Variants in DIAPH2 observed in about 807,000 individuals in gnomAD.
DIAPH2 encodes protein diaphanous homolog 2.
In DIAPH2, 35 loss-of-function variants were observed where a neutral mutation model predicts 92.7. The ratio of observed to expected loss-of-function variants is 0.38; its 90% CI spans 0.29 to 0.50. DIAPH2 has a LOEUF of 0.50. DIAPH2 is among the 20% of genes least tolerant of loss of function. DIAPH2 has a pLI of 0.94. For synonymous variants in DIAPH2, 301 were observed against 280.4 expected, an observed-to-expected ratio of 1.07 and a Z score of -0.73; for missense variants, 701 against 819.5, an observed-to-expected ratio of 0.86 and a Z score of 1.77.
rs1423833821 is a variant in DIAPH2, at chrX:97,095,411, C to T, written c.2248-4283C>T. On this transcript the variant is annotated intron_variant, in intron 19 of 26. Coordinates refer to ENST00000324765, the MANE Select transcript of DIAPH2 (RefSeq NM_006729.5). ...GATTACAGGCGTGAGCCACCGCGCCCGGCCAAGGAGAACGTTTCTTATCTA... is the reference window on the plus strand; with the variant it reads ...GATTACAGGCGTGAGCCACCGCGCCTGGCCAAGGAGAACGTTTCTTATCTA... 2.8e-5 allele frequency among the ~76,000 whole-genome samples: 3 copies of T among 107,388 alleles called. No individual in the cohort carries two copies. In the Admixed American group the frequency reaches 3.0e-4, roughly 11 times the overall value. The allele number at this position is 107,388 out of a possible 115,157, so 93.3% of individuals were successfully genotyped here.
At chrX:96,749,391 C>G (rs1381524808) in intron 3 of DIAPH2, among the ~76,000 whole-genome samples, 1 of 110,075 alleles carries the variant, frequency 9.1e-6, no homozygotes, top group Non-Finnish European at 1.9e-5. Context: ...TTTTTTATGT[C>G]TTGCTTAAAA....
At chrX:96,754,530 A>G (rs2064212548) in intron 3 of DIAPH2, among the ~76,000 whole-genome samples, 1 of 111,547 alleles carries the variant, frequency 9.0e-6, no homozygotes, top group Non-Finnish European at 1.9e-5. Context: ...TTTGTTGTAC[A>G]TATTTCATGT....
intron 19 of DIAPH2, among the ~76,000 whole-genome samples, chrX:97,094,522 A>G (rs745599469): frequency 8.9e-6 from 1 of 112,099 alleles, no homozygotes; most frequent in Admixed American, 9.5e-5. Context: ...AGGGATTGAA[A>G]TGCTCCACCC....
chrX:96,893,117 C>A (rs1445231593), intron 5 of DIAPH2, among the ~76,000 whole-genome samples: 1 of 111,967 alleles, frequency 8.9e-6, no homozygotes, highest in Non-Finnish European at 1.9e-5. Flanking sequence ...AGTTTTAATA[C>A]TTCTCTCATT....
intron 26 of DIAPH2, among the ~76,000 whole-genome samples, chrX:97,484,191 T>C (rs2070671572): frequency 8.9e-6 from 1 of 111,772 alleles, no homozygotes; most frequent in Non-Finnish European, 1.9e-5. Context: ...GCCCAGATCA[T>C]TTTTCTACAT....
chrX:97,493,008 A>G (rs1391595967), intron 26 of DIAPH2, among the ~76,000 whole-genome samples: 1 of 111,886 alleles, frequency 8.9e-6, no homozygotes, highest in East Asian at 2.8e-4. Flanking sequence ...TTCTCCTTTG[A>G]GATTCCCATA....
At chrX:96,985,369 A>G (rs2066024057) in intron 17 of DIAPH2, among the ~76,000 whole-genome samples, 1 of 111,042 alleles carries the variant, frequency 9.0e-6, no homozygotes, top group Admixed American at 9.6e-5. Flanking sequence ...TTCTTTTTGT[A>G]GAATCAAGTC....
chrX:97,579,427 G>A (rs1178386005), intron 26 of DIAPH2, among the ~76,000 whole-genome samples: 2 of 111,017 alleles, frequency 1.8e-5, no homozygotes, highest in Non-Finnish European at 3.8e-5. Context: ...ATTAAATAGG[G>A]AATCCTTTCC....
At chrX:97,564,035 G>A (rs1286916823) in intron 26 of DIAPH2, among the ~76,000 whole-genome samples, 1 of 112,025 alleles carries the variant, frequency 8.9e-6, no homozygotes, top group Non-Finnish European at 1.9e-5. Flanking sequence ...TCAGGCTAGA[G>A]AAGGCCCTTT....
chrX:96,992,568 A>T (rs1467266450), intron 17 of DIAPH2, among the ~76,000 whole-genome samples: 1 of 112,098 alleles, frequency 8.9e-6, no homozygotes, highest in Non-Finnish European at 1.9e-5. Flanking sequence ...CTTTTAAGCC[A>T]CAGGCATGAT....
Position 97,601,086 on chromosome X carries a change from G to GT in DIAPH2, c.*1775dup, listed in dbSNP as rs1238587099. 1.8e-5 allele frequency: 2 copies of GT among 112,269 alleles called. No homozygotes were observed. The highest frequency in any genetic ancestry group is 1.9e-5 in the Non-Finnish European group (1 of 53,139). The allele number at this position is 112,269 out of a possible 1,213,427, so 9.3% of individuals were successfully genotyped here. Reference sequence around the variant, plus strand: ...ATTTAAGGGACATAGCAGTAACACTGTTTTTTAACAACAACAAAAGTTTAG... The same window carrying GT: ...ATTTAAGGGACATAGCAGTAACACTGTTTTTTTAACAACAACAAAAGTTTAG... On this transcript the variant is annotated 3_prime_UTR_variant, in exon 27 of 27. Coordinates refer to ENST00000324765, the MANE Select transcript of DIAPH2 (RefSeq NM_006729.5).
rs1168453389 is a variant in DIAPH2, at chrX:96,758,228, T to C, written c.417T>C (p.Val139=). The C allele has an allele frequency of 1.7e-6, 2 of 1,206,388 alleles. No individual in the cohort carries two copies. Among genetic ancestry groups the C allele is most frequent in the East Asian group, 5.9e-5 (2 of 33,723 alleles). Residue 139 remains valine (V), a synonymous_variant, in exon 4 of 27, where the codon GTT becomes GTC. Coordinates refer to ENST00000324765, the MANE Select transcript of DIAPH2 (RefSeq NM_006729.5). The part of the protein sequence containing the change: ...NKDFTTKREM[V]VQYISATAKS... ...ACTTTACCACCAAACGTGAGATGGT[T>C]GTCCAGTATATTTCTGCCACTGCCA...
chrX:96,689,678 A>G (rs1236864883), intron 1 of DIAPH2, among the ~76,000 whole-genome samples: 1 of 110,485 alleles, frequency 9.1e-6, no homozygotes, highest in Non-Finnish European at 1.9e-5. Context: ...TCATGTCTCA[A>G]TATTCTCTCA....
At chrX:97,462,121 A>G (rs1028354330) in intron 26 of DIAPH2, among the ~76,000 whole-genome samples, 6 of 111,873 alleles carry the variant, frequency 5.4e-5, no homozygotes, top group Non-Finnish European at 9.4e-5. Flanking sequence ...TCCAGCAGAC[A>G]TCTTTGTACC....
Position 97,141,478 on chromosome X carries a change from A to G in DIAPH2, c.2590-187A>G, listed in dbSNP as rs990026086. Among the ~76,000 whole-genome samples the G allele has an allele frequency of 3.6e-5, 4 of 111,568 alleles. No homozygotes were observed. The Admixed American group carries it at 3.8e-4, about 11-fold the overall frequency. On this transcript the variant is annotated intron_variant, in intron 21 of 26. Coordinates refer to ENST00000324765, the MANE Select transcript of DIAPH2 (RefSeq NM_006729.5). The stretch of plus-strand genomic sequence containing the variant: ...GTTTAATTTGGCACTTTTACTGGTC[A>G]TCTTACTTGCTTTTAAAATATGGAG...
intron 25 of DIAPH2, among the ~76,000 whole-genome samples, chrX:97,389,819 C>T (rs1211248882): frequency 9.1e-6 from 1 of 109,792 alleles, no homozygotes; most frequent in Non-Finnish European, 1.9e-5. Flanking sequence ...AAGTGGATCT[C>T]GGAGAGTAGG....
At chrX:97,188,994 G>A (rs2147477016) in intron 22 of DIAPH2, among the ~76,000 whole-genome samples, 1 of 111,457 alleles carries the variant, frequency 9.0e-6, no homozygotes, top group South Asian at 3.8e-4. Flanking sequence ...GTGAGGACAG[G>A]GTGCCAGTGG....
chrX:97,555,257 A>G (rs763917251), intron 26 of DIAPH2, among the ~76,000 whole-genome samples: 3 of 112,220 alleles, frequency 2.7e-5, no homozygotes, highest in Non-Finnish European at 3.8e-5. Flanking sequence ...ATGGGTCTCA[A>G]TGAGTTCTAT....
At chrX:97,276,012 C>T (rs1182745470) in intron 23 of DIAPH2, among the ~76,000 whole-genome samples, 4 of 112,979 alleles carry the variant, frequency 3.5e-5, no homozygotes, top group Non-Finnish European at 5.6e-5. Flanking sequence ...AACGAGACTC[C>T]GTCTGCAATC....
Sources: gnomAD v4.1 joint callset for allele counts (sites outside exome capture counted in the v4.1 genomes callset) on GRCh38, gnomAD v4.1.1 for gene constraint, MANE v1.5 for transcripts, NCBI Gene and HGNC (gene_info 2026-07-23, HGNC 2026-07-21) for gene names.